Variants in DTNA observed in about 807,000 individuals in gnomAD.
DTNA encodes the protein dystrophin-related protein 3.
Under a neutral mutation model 100.7 loss-of-function variants are expected in DTNA, and 43 were observed. The ratio of observed to expected loss-of-function variants is 0.43; its 90% CI spans 0.33 to 0.55. The LOEUF (loss-of-function observed/expected upper bound fraction) is 0.55, where lower values mean the gene tolerates loss of function less well. Ranked by LOEUF, DTNA falls within the 20% of genes least tolerant of loss-of-function variation. The pLI is 0.04. For synonymous variants in DTNA, 349 were observed against 347.9 expected, an observed-to-expected ratio of 1.00 and a Z score of -0.04; for missense variants, 798 against 953.9, an observed-to-expected ratio of 0.84 and a Z score of 2.15.
chr18:34,588,538 G>C (rs1314648905), intron 1 of DTNA, among the ~76,000 whole-genome samples: 1 of 151,986 alleles, frequency 6.6e-6, no homozygotes, highest in African/African-American at 2.4e-5. Flanking sequence ...TGTCTCTTTA[G>C]ACATTAAAGA....
At chr18:34,879,353 T>C (rs1260278771) in intron 19 of DTNA, among the ~76,000 whole-genome samples, 198 bp from the exon 20 acceptor site, 1 of 152,242 alleles carries the variant, frequency 6.6e-6, no homozygotes, top group Non-Finnish European at 1.5e-5. Flanking sequence ...TTAAAAATGC[T>C]GTATACCAAA....
intron 2 of DTNA, among the ~76,000 whole-genome samples, chr18:34,756,739 G>T (rs2092799214): frequency 6.6e-6 from 1 of 152,152 alleles, no homozygotes; most frequent in South Asian, 2.1e-4. Context: ...TAAGTAATTG[G>T]TTGGTAGCAT....
At chr18:34,545,865 A>G (rs1053746324) in intron 1 of DTNA, among the ~76,000 whole-genome samples, 4 of 152,108 alleles carry the variant, frequency 2.6e-5, no homozygotes, top group Admixed American at 2.6e-4. Context: ...GCTGTAGGAA[A>G]CATTAATAAT....
At chr18:34,793,648 G>C (rs759764802) in intron 3 of DTNA, among the ~76,000 whole-genome samples, 23 of 152,128 alleles carry the variant, frequency 1.5e-4, no homozygotes, top group Non-Finnish European at 2.5e-4. Flanking sequence ...GTGTGCAATG[G>C]GGAAATAACT....
At chr18:34,807,605 C>T (rs916162333) in intron 5 of DTNA, among the ~76,000 whole-genome samples, 4 of 151,996 alleles carry the variant, frequency 2.6e-5, no homozygotes, top group African/African-American at 9.7e-5. Context: ...TTCCAGTGGA[C>T]CAGTAAGTAA....
At chr18:34,790,566 TA>T (rs373571527) in intron 3 of DTNA, among the ~76,000 whole-genome samples, 38,524 of 71,986 alleles carry the variant, frequency 0.54, 9,806 homozygotes, top group South Asian at 0.7. Context: ...TATATATATA[TA>T]TTTTTTTTTT....
intron 14 of DTNA, among the ~76,000 whole-genome samples, chr18:34,849,108 G>A (rs1177747755): frequency 6.6e-6 from 1 of 152,228 alleles, no homozygotes; most frequent in African/African-American, 2.4e-5. Context: ...CCATGAGCAA[G>A]ATGGAGGGGA....
intron 2 of DTNA, among the ~76,000 whole-genome samples, chr18:34,765,364 A>G (rs2148466971): frequency 6.6e-6 from 1 of 152,300 alleles, no homozygotes; most frequent in Admixed American, 6.5e-5. Context: ...AAAAATGAAT[A>G]CTTATGCAGC....
rs573865344 is a variant in DTNA, at chr18:34,557,400, A to G, written c.-2+63886A>G. Among the ~76,000 whole-genome samples the G allele has an allele frequency of 3.8e-3, 582 of 151,556 alleles. 2 individuals are homozygous for G. Among genetic ancestry groups the G allele is most frequent in the Middle Eastern group, 0.031 (9 of 290 alleles). ...GTCATTCTCCATCCAGCTTTGTTCC[A>G]TTGCTGGTGAGGAACTGCGTTCCTT... On this transcript the variant is annotated intron_variant, in intron 1 of 19. Coordinates refer to the DTNA transcript ENST00000283365.
chr18:34,867,966 CTTAT>C (rs1240956792), intron 17 of DTNA: 14 of 985,266 alleles, frequency 1.4e-5, no homozygotes, highest in African/African-American at 7.0e-5. Flanking sequence ...GCCTATTTCA[CTTAT>C]TTATCTTTTT....
chr18:34,645,319 C>T (rs1209061129), intron 1 of DTNA, among the ~76,000 whole-genome samples: 2 of 152,000 alleles, frequency 1.3e-5, no homozygotes, highest in Non-Finnish European at 2.9e-5. Context: ...CCCACTAGGG[C>T]AGTGTTACTT....
chr18:34,842,843 G>A (rs2096294760), intron 13 of DTNA, among the ~76,000 whole-genome samples: 1 of 152,082 alleles, frequency 6.6e-6, no homozygotes, highest in African/African-American at 2.4e-5. Context: ...TTGGTTAGTT[G>A]GTTAGCTGTT....
At position 34,888,651 on chromosome 18, in the gene DTNA, C is replaced by T. The variant is rs556350159; in HGVS notation, c.*917C>T. The T allele has an allele frequency of 2.0e-6, 2 of 985,828 alleles. No individual in the cohort carries two copies. The highest frequency in any genetic ancestry group is 3.5e-5 in the African/African-American group (2 of 57,350). The allele number at this position is 985,828 out of a possible 1,614,324, so 61.1% of individuals were successfully genotyped here. ...GAACTATGTTTTGAAATACTCGTTA[C>T]TAAAGCTGTTTATAAACCACAGGTG... On this transcript the variant is annotated 3_prime_UTR_variant, in exon 23 of 23. Coordinates refer to ENST00000444659, the MANE Select transcript of DTNA (RefSeq NM_001386795.1).
intron 11 of DTNA, among the ~76,000 whole-genome samples, chr18:34,837,461 A>C (rs191149548): frequency 2.0e-5 from 3 of 152,348 alleles, no homozygotes; most frequent in Admixed American, 1.3e-4. Flanking sequence ...TAATGAATCC[A>C]TAATGTTAAG....
chr18:34,767,426 G>A (rs1312989718), intron 3 of DTNA: 1 of 152,192 alleles, frequency 6.6e-6, no homozygotes, highest in African/African-American at 2.4e-5. Flanking sequence ...GCTGAAGTTT[G>A]GGGAAGGAGG....
chr18:34,497,037 T>C (rs1028408472), intron 1 of DTNA, among the ~76,000 whole-genome samples: 1 of 152,166 alleles, frequency 6.6e-6, no homozygotes, highest in African/African-American at 2.4e-5. Context: ...GAACATGTGC[T>C]ACCTTTATGT....
At chr18:34,579,923 T>A (rs2146627928) in intron 1 of DTNA, among the ~76,000 whole-genome samples, 1 of 152,306 alleles carries the variant, frequency 6.6e-6, no homozygotes, top group South Asian at 2.1e-4. Context: ...TTCTCCCCGC[T>A]ACTTTTCTGA....
At chr18:34,870,486 A>G (rs2096754419) in intron 17 of DTNA, among the ~76,000 whole-genome samples, 2 of 152,218 alleles carry the variant, frequency 1.3e-5, no homozygotes, top group Non-Finnish European at 1.5e-5. Flanking sequence ...ACTGCAATAT[A>G]AAGATGATCG....
chr18:34,804,174 G>A (rs1215436465), intron 4 of DTNA, among the ~76,000 whole-genome samples: 1 of 152,180 alleles, frequency 6.6e-6, no homozygotes, highest in Non-Finnish European at 1.5e-5. Flanking sequence ...ACAAATGGAT[G>A]GGAGGGTTGT....
Sources: allele counts gnomAD v4.1 joint callset (sites outside exome capture counted in the v4.1 genomes callset), GRCh38; gene constraint gnomAD v4.1.1; transcripts MANE v1.5; gene names NCBI Gene and HGNC (gene_info 2026-07-23, HGNC 2026-07-21).